The following SLC44A3 variants were observed in gnomAD, a reference collection of about 807,000 sequenced individuals.
The protein encoded by SLC44A3 is solute carrier family 44 member 3.
SLC44A3 carries 74 observed loss-of-function variants against 75.4 expected under a neutral mutation model. That is an observed-to-expected ratio of 0.98 (90% CI 0.81 to 1.19). The LOEUF (loss-of-function observed/expected upper bound fraction) is 1.19, where lower values mean the gene tolerates loss of function less well. SLC44A3 is among the 50% of genes most tolerant of loss of function. SLC44A3 has a pLI of 0.00. For synonymous variants in SLC44A3, 310 were observed against 296.9 expected, an observed-to-expected ratio of 1.04 and a Z score of -0.45; for missense variants, 700 against 778.6, an observed-to-expected ratio of 0.90 and a Z score of 1.20.
At position 94,821,073 on chromosome 1, in the gene SLC44A3, G is replaced by A; in HGVS notation, c.135+17G>A. The A allele has an allele frequency of 6.5e-7, 1 of 1,544,288 alleles. No homozygotes were observed. The highest frequency in any genetic ancestry group is 1.2e-5 in the South Asian group (1 of 83,760). Reference sequence around the variant, plus strand: ...ACTGGTTTGGTAAGTGTGGGTGCTTGGTAGGAAAGAGGCCAGAGTGTGTGT... The same window carrying A: ...ACTGGTTTGGTAAGTGTGGGTGCTTAGTAGGAAAGAGGCCAGAGTGTGTGT... On this transcript the variant is annotated intron_variant, in intron 2 of 14. Coordinates refer to ENST00000271227, the MANE Select transcript of SLC44A3 (RefSeq NM_001114106.3).
rs11435512 is a variant in SLC44A3 at position 94,881,856 on chromosome 1, C to CAA, written c.1483-9261_1483-9260dup. Among the ~76,000 whole-genome samples, 705 of 138,960 alleles carry CAA rather than the reference C, an allele frequency of 5.1e-3. 5 individuals are homozygous for CAA. Among genetic ancestry groups the CAA allele is most frequent in the East Asian group, 0.016 (75 of 4,634 alleles). 91.2% of individuals were successfully genotyped at this position (138,960 alleles called of 152,430 possible). ...TGAAACCCCGTCTCTACTAAAAATA[C>CAA]AAAAAAAAAAAAAATTAGCTGGGCA... is the stretch of plus-strand genomic sequence containing the variant. On this transcript the variant is annotated intron_variant, in intron 12 of 14. Coordinates refer to ENST00000271227, the MANE Select transcript of SLC44A3 (RefSeq NM_001114106.3).
At chr1:94,854,165 G>A (rs995841951) in intron 9 of SLC44A3, among the ~76,000 whole-genome samples, 5 of 152,144 alleles carry the variant, frequency 3.3e-5, no homozygotes, top group Admixed American at 1.3e-4. Flanking sequence ...ACCATTCTCC[G>A]ATTTCAAGTG....
At chr1:94,842,355 T>C (rs1004697502) in intron 8 of SLC44A3, among the ~76,000 whole-genome samples, 6 of 152,266 alleles carry the variant, frequency 3.9e-5, no homozygotes, top group Non-Finnish European at 1.5e-5. Flanking sequence ...ACTACTGTGT[T>C]ATCCTTGCTG....
At chr1:94,825,949 A>T in intron 3 of SLC44A3, 1 of 456,070 alleles carries the variant, frequency 2.2e-6, no homozygotes, top group Non-Finnish European at 4.4e-6. Flanking sequence ...TGAAGTGAGT[A>T]TACATTCCAT....
At chr1:94,878,478 G>T (rs936275164) in intron 12 of SLC44A3, among the ~76,000 whole-genome samples, 2 of 152,148 alleles carry the variant, frequency 1.3e-5, no homozygotes, top group Non-Finnish European at 2.9e-5. Flanking sequence ...ACCAAAAGGA[G>T]CAGGGAGGCA....
At chr1:94,857,314 T>C (rs967523266) in intron 9 of SLC44A3, 21 bp from the exon 10 acceptor site, 2 of 1,582,930 alleles carry the variant, frequency 1.3e-6, no homozygotes, top group African/African-American at 1.4e-5. Context: ...GTGTAAAGCA[T>C]GTTTGTGTTT....
chr1:94,892,389 T>C lies in SLC44A3; in HGVS notation c.1729T>C (p.Leu577=), dbSNP rs142000418. 46 of 1,614,104 alleles carry C rather than the reference T, an allele frequency of 2.8e-5. No individual in the cohort carries two copies. Among genetic ancestry groups the C allele is most frequent in the Non-Finnish European group, 3.9e-5 (46 of 1,180,050 alleles). ...GTTATTGGTAGCTTTTTTTGCCTAC[T>C]TAGTAGCCCATAGTTTTTTATCTGT... ...PLLLVAFFAY[L]VAHSFLSVFE... The change falls in exon 14 of 15, where the codon TTA becomes CTA. Residue 577 remains leucine (L), a synonymous_variant. Transcript: ENST00000271227.
intron 10 of SLC44A3, among the ~76,000 whole-genome samples, chr1:94,862,837 CAG>C (rs1230588275): frequency 1.3e-5 from 2 of 152,160 alleles, no homozygotes; most frequent in Non-Finnish European, 2.9e-5. Context: ...TGTTGTCCCC[CAG>C]GTCAATTCTT....
rs768352672 is a variant in SLC44A3 at position 94,842,036 on chromosome 1, A to G, written c.797A>G (p.Tyr266Cys). 1.2e-6 allele frequency: 2 copies of G among 1,613,558 alleles called. No individual in the cohort carries two copies. The highest frequency in any genetic ancestry group is 1.7e-6 in the Non-Finnish European group (2 of 1,179,818). The change falls in exon 8 of 15, where the codon TAT becomes TGT. Residue 266 changes from tyrosine (Y) to cysteine (C), a missense_variant. By Grantham distance (194) the Tyr-to-Cys change is radical. Coordinates refer to ENST00000271227, the MANE Select transcript of SLC44A3 (RefSeq NM_001114106.3). ...GTTTTATGGTGGCTGTATTATGACT[A>G]TACCAACGACCTCAGCATAGAATTG... ...CGVLWWLYYD[Y>C]TNDLSIELDT...
chr1:94,861,812 T>A (rs1283650122), intron 10 of SLC44A3, among the ~76,000 whole-genome samples: 4 of 152,220 alleles, frequency 2.6e-5, no homozygotes, highest in African/African-American at 9.6e-5. Flanking sequence ...GAATTTACTT[T>A]TTACAACCAT....
intron 9 of SLC44A3, among the ~76,000 whole-genome samples, chr1:94,851,242 T>A (rs554156168): frequency 1.1e-4 from 16 of 152,338 alleles, no homozygotes; most frequent in Non-Finnish European, 2.1e-4. Context: ...TCCTCCATTT[T>A]TTTCCTTGCA....
At position 94,845,316 on chromosome 1, in the gene SLC44A3, A is replaced by G. The variant is rs142849536; in HGVS notation, c.924A>G (p.Arg308=). The G allele has an allele frequency of 9.3e-6, 15 of 1,613,470 alleles. No homozygotes were observed. The highest frequency in any genetic ancestry group is 1.3e-5 in the Non-Finnish European group (15 of 1,179,768). The change falls in exon 9 of 15, where the codon AGA becomes AGG. Residue 308 remains arginine (R), a synonymous_variant. Transcript: ENST00000271227. ...LLVLIFVLRK[R]IKLTVELFQI... is the part of the protein sequence containing the mutation. ...TCTTGATTTTTGTTCTCAGAAAGAG[A>G]ATAAAATTGACAGTTGAGCTTTTCC...
chr1:94,856,112 CA>C (rs552142800), intron 9 of SLC44A3, among the ~76,000 whole-genome samples: 1 of 152,134 alleles, frequency 6.6e-6, no homozygotes, highest in African/African-American at 2.4e-5. Flanking sequence ...ACGTGAATGG[CA>C]AAAAGTTGTT....
intron 12 of SLC44A3, among the ~76,000 whole-genome samples, chr1:94,884,449 G>T (rs1171881758): frequency 6.6e-6 from 1 of 152,214 alleles, no homozygotes; most frequent in Non-Finnish European, 1.5e-5. Flanking sequence ...GATGTATCTG[G>T]ACTCGGATTT....
intron 12 of SLC44A3, among the ~76,000 whole-genome samples, chr1:94,885,819 A>C (rs1030349974): frequency 6.6e-6 from 1 of 152,222 alleles, no homozygotes; most frequent in Non-Finnish European, 1.5e-5. Flanking sequence ...AGTACATGCA[A>C]GATTAATGCC....
rs1667555939 is a variant in SLC44A3, at chr1:94,869,745, G to A, written c.1482+2328G>A. Among the ~76,000 whole-genome samples the A allele has an allele frequency of 2.6e-5, 4 of 152,002 alleles. No individual in the cohort carries two copies. The South Asian group carries it at 8.3e-4, about 31-fold the overall frequency. On this transcript the variant is annotated intron_variant, in intron 12 of 14. Coordinates refer to ENST00000271227, the MANE Select transcript of SLC44A3 (RefSeq NM_001114106.3). Reference sequence around the variant, plus strand: ...TTTGGCAGTAGACAAAGGAAAGTGAGCATAAAGTGAGAAAAGGAATTTAGA... The same window carrying A: ...TTTGGCAGTAGACAAAGGAAAGTGAACATAAAGTGAGAAAAGGAATTTAGA...
chr1:94,873,591 CA>C (rs1667985362), intron 12 of SLC44A3, among the ~76,000 whole-genome samples: 1 of 152,204 alleles, frequency 6.6e-6, no homozygotes, highest in Non-Finnish European at 1.5e-5. Context: ...GCCTTTGCGG[CA>C]GACTCAACTT....
chr1:94,847,957 A>C (rs995991419), intron 9 of SLC44A3, among the ~76,000 whole-genome samples: 7 of 152,142 alleles, frequency 4.6e-5, no homozygotes, highest in African/African-American at 1.4e-4. Context: ...GGCCGGGTGC[A>C]GTGGCTCACG....
intron 12 of SLC44A3, among the ~76,000 whole-genome samples, chr1:94,883,863 A>G (rs551189972): frequency 2.6e-5 from 4 of 152,206 alleles, no homozygotes; most frequent in African/African-American, 9.6e-5. Context: ...AATACCATGG[A>G]GAGTATGAGT....
Sources: allele counts gnomAD v4.1 joint callset (sites outside exome capture counted in the v4.1 genomes callset), GRCh38; gene constraint gnomAD v4.1.1; transcripts MANE v1.5; gene names NCBI Gene and HGNC (gene_info 2026-07-23, HGNC 2026-07-21).